The following PTK2B variants were observed in gnomAD, a reference collection of about 807,000 sequenced individuals.
PTK2B encodes the protein protein tyrosine kinase 2 beta.
In PTK2B, 71 loss-of-function variants were observed where a neutral mutation model predicts 142.9. The observed-to-expected ratio is 0.50, with a 90% CI of 0.41 to 0.61. The LOEUF is 0.61. Ranked by LOEUF, PTK2B falls within the 20% of genes least tolerant of loss-of-function variation. The pLI is 0.00. For missense variants in PTK2B, 1,105 were observed against 1,320.4 expected (o/e 0.84, Z 2.53); for synonymous variants, 519 against 503.4 (o/e 1.03, Z -0.42).
At chr8:27,430,307 A>C (rs528032404) in intron 6 of PTK2B, 57 bp from the exon 7 acceptor site, 20 of 1,609,432 alleles carry the variant, frequency 1.2e-5, no homozygotes, top group Non-Finnish European at 1.7e-5. Flanking sequence ...ATTGGCCCGC[A>C]GTCCTGTGGT....
intron 1 of PTK2B, among the ~76,000 whole-genome samples, chr8:27,356,679 C>T (rs756777699): frequency 6.6e-6 from 1 of 152,212 alleles, no homozygotes; most frequent in Non-Finnish European, 1.5e-5. Flanking sequence ...TGCAAATGTC[C>T]TTTAATGGGA....
intron 1 of PTK2B, among the ~76,000 whole-genome samples, chr8:27,345,138 G>GA (rs1444122460): frequency 8.5e-5 from 13 of 152,334 alleles, no homozygotes; most frequent in African/African-American, 1.7e-4. Flanking sequence ...ACTCCAGCCT[G>GA]GGAGACAGTG....
At chr8:27,339,683 C>T (rs1332206301) in intron 1 of PTK2B, among the ~76,000 whole-genome samples, 1 of 152,156 alleles carries the variant, frequency 6.6e-6, no homozygotes, top group East Asian at 1.9e-4. Context: ...AGCAGGCAGG[C>T]TCTGGCGTAG....
chr8:27,376,865 T>G (rs1266958534), intron 1 of PTK2B, among the ~76,000 whole-genome samples: 1 of 152,254 alleles, frequency 6.6e-6, no homozygotes, highest in African/African-American at 2.4e-5. Flanking sequence ...AAGACTGCTG[T>G]GTCTATGGAG....
upstream of PTK2B, chr8:27,311,221 G>T (rs550965138): frequency 5.8e-6 from 9 of 1,562,550 alleles, no homozygotes; most frequent in South Asian, 1.1e-4. Context: ...GGGACACGTC[G>T]GGACTCCGCT....
chr8:27,385,762 G>A (rs1299782200), intron 1 of PTK2B, among the ~76,000 whole-genome samples: 1 of 151,926 alleles, frequency 6.6e-6, no homozygotes, highest in East Asian at 1.9e-4. Context: ...GTATGGGGGC[G>A]GGCACCTATA....
At position 27,432,295 on chromosome 8, in the gene PTK2B, C is replaced by T; in HGVS notation, c.921C>T (p.Ser307=). The part of the protein sequence containing the change: ...TCLAEFKQIR[S]IRCLPLEEGQ... ...TGGCCGAGTTCAAGCAGATCAGGTC[C>T]ATCAGGTGCCTCCCGCTGGAGGAGG... Residue 307 remains serine, a synonymous_variant, in exon 10 of 31, where the codon TCC becomes TCT. Coordinates refer to ENST00000346049, the MANE Select transcript of PTK2B (RefSeq NM_173176.3). The T allele has an allele frequency of 1.2e-6, 2 of 1,614,130 alleles. No individual in the cohort carries two copies. Among genetic ancestry groups the T allele is most frequent in the Admixed American group, 1.7e-5 (1 of 60,016 alleles).
chr8:27,394,755 T>C (rs1457755424), intron 1 of PTK2B, among the ~76,000 whole-genome samples: 3 of 152,366 alleles, frequency 2.0e-5, no homozygotes, highest in East Asian at 3.8e-4. Flanking sequence ...CACATGTGCA[T>C]TGTACAACTG....
chr8:27,340,021 T>C (rs1251386834), intron 1 of PTK2B, among the ~76,000 whole-genome samples: 2 of 152,252 alleles, frequency 1.3e-5, no homozygotes, highest in Non-Finnish European at 2.9e-5. Flanking sequence ...AATGAGTCTA[T>C]GTGCTTCCTT....
In PTK2B at chr8:27,451,079, G is replaced by A; in HGVS notation, c.2523+1G>A. 6.2e-7 allele frequency: 1 copy of A among 1,612,498 alleles called. No individual in the cohort carries two copies. Among genetic ancestry groups the A allele is most frequent in the South Asian group, 1.1e-5 (1 of 91,046 alleles). ...TTATATGAATGATAAGTCCCCATTG[G>A]TGAGTTGCCAGGAGAGGCCGCCTCC... On this transcript the variant is annotated splice_donor_variant, in intron 26 of 30. Coordinates refer to ENST00000346049, the MANE Select transcript of PTK2B (RefSeq NM_173176.3). LOFTEE classifies it high-confidence loss of function.
chr8:27,311,097 G>C, upstream of PTK2B: 1 of 1,598,484 alleles, frequency 6.3e-7, no homozygotes, highest in Non-Finnish European at 8.5e-7. Flanking sequence ...TCCCAGCAGC[G>C]GCTCACGCAC....
At position 27,440,409 on chromosome 8, in the gene PTK2B, G is replaced by A; in HGVS notation, c.2007G>A (p.Arg669=). 6.2e-7 allele frequency: 1 copy of A among 1,614,052 alleles called. No individual in the cohort carries two copies. The highest frequency in any genetic ancestry group is 8.5e-7 in the Non-Finnish European group (1 of 1,180,020). ...TRCWDYDPSD[R]PRFTELVCSL... is the part of the protein sequence containing the mutation. The stretch of plus-strand genomic sequence containing the variant: ...GCTGGGACTACGACCCCAGTGACCG[G>A]CCCCGCTTCACCGAGCTGGTGTGCA... The change falls in exon 21 of 31, where the codon CGG becomes CGA. Residue 669 remains arginine (R), a synonymous_variant. Coordinates refer to ENST00000346049, the MANE Select transcript of PTK2B (RefSeq NM_173176.3).
chr8:27,436,089 A>C (rs1239965311), intron 14 of PTK2B, among the ~76,000 whole-genome samples, 162 bp from the exon 15 acceptor site: 4 of 152,148 alleles, frequency 2.6e-5, no homozygotes, highest in Admixed American at 2.6e-4. Flanking sequence ...GGTCTGAGAC[A>C]GTGGAACATT....
intron 2 of PTK2B, among the ~76,000 whole-genome samples, chr8:27,402,391 A>G (rs944826717): frequency 2.0e-5 from 3 of 152,210 alleles, no homozygotes; most frequent in African/African-American, 7.2e-5. Flanking sequence ...ACACATTAAC[A>G]TCTTCACATG....
chr8:27,350,741 G>A (rs1022445087), intron 1 of PTK2B, among the ~76,000 whole-genome samples: 1 of 151,640 alleles, frequency 6.6e-6, no homozygotes, highest in Non-Finnish European at 1.5e-5. Context: ...CACTTTGGGA[G>A]GCCGAGGCAG....
At chr8:27,400,333 T>C (rs1586239601) in intron 2 of PTK2B, among the ~76,000 whole-genome samples, 1 of 151,900 alleles carries the variant, frequency 6.6e-6, no homozygotes, top group Admixed American at 6.6e-5. Flanking sequence ...TTTTCTTAAA[T>C]AAACAATTTC....
chr8:27,428,145 G>C (rs1379549019), intron 5 of PTK2B, among the ~76,000 whole-genome samples: 1 of 152,176 alleles, frequency 6.6e-6, no homozygotes, highest in Admixed American at 6.5e-5. Flanking sequence ...GTGAAACCTA[G>C]ATCCCTCACA....
At chr8:27,319,518 C>A (rs1055517926) in intron 3 of PTK2B, among the ~76,000 whole-genome samples, 1 of 151,674 alleles carries the variant, frequency 6.6e-6, no homozygotes, top group Non-Finnish European at 1.5e-5. Context: ...GTGGCGGGCG[C>A]CTGTAGTCCC....
intron 1 of PTK2B, among the ~76,000 whole-genome samples, chr8:27,390,425 G>A (rs1284462694): frequency 2.0e-5 from 3 of 151,950 alleles, no homozygotes; most frequent in African/African-American, 7.3e-5. Flanking sequence ...ACTTGAGGCC[G>A]GGAGTTCAAG....
Sources: allele counts gnomAD v4.1 joint callset (sites outside exome capture counted in the v4.1 genomes callset), GRCh38; gene constraint gnomAD v4.1.1; transcripts MANE v1.5; gene names NCBI Gene and HGNC (gene_info 2026-07-23, HGNC 2026-07-21).